Variants in LYZL6 observed in about 807,000 individuals in gnomAD.
LYZL6 encodes the protein lysozyme-like protein 6.
A neutral mutation model predicts 15.0 loss-of-function variants in LYZL6; 21 were observed. That is an observed-to-expected ratio of 1.40 (90% CI 1.00 to 2.02). LYZL6 has a LOEUF of 2.02. Ranked by LOEUF, LYZL6 falls within the 30% of genes most tolerant of loss-of-function variation. LYZL6 has a pLI of 0.00. For synonymous variants in LYZL6, 72 were observed against 67.8 expected (o/e 1.06, Z -0.31); for missense variants, 173 against 180.5 (o/e 0.96, Z 0.24).
rs148658809 is a variant in LYZL6, at chr17:35,936,778, G to A, written c.354C>T (p.Ser118=). The A allele has an allele frequency of 1.2e-6, 2 of 1,613,740 alleles. No homozygotes were observed. Among genetic ancestry groups the A allele is most frequent in the Admixed American group, 3.3e-5 (2 of 60,014 alleles). The change falls in exon 4 of 5, where the codon TCC becomes TCT. Residue 118 remains serine, a synonymous_variant. Transcript: ENST00000615905. ...AGIHCAKRIV[S]GARGMNNWVE... ...ACCAGTTGTTCATCCCCCGTGCTCC[G>A]GACACAATCCTTTTTGCGCAGTGGA...
In LYZL6 at chr17:35,939,214, T is replaced by C. The variant is rs1164475492; in HGVS notation, c.139+4A>G. On this transcript the variant is annotated splice_donor_region_variant and intron_variant, in intron 2 of 4. Coordinates refer to ENST00000615905, the MANE Select transcript of LYZL6 (RefSeq NM_020426.4). Reference sequence around the variant, plus strand: ...ATGGCTGGGGAGGGGCGGATGGTACTCACAGTCACTCAGGGAGTAACCCTC... The same window carrying C: ...ATGGCTGGGGAGGGGCGGATGGTACCCACAGTCACTCAGGGAGTAACCCTC... The C allele has an allele frequency of 5.0e-6, 8 of 1,613,220 alleles. No homozygotes were observed. Among genetic ancestry groups the C allele is most frequent in the Non-Finnish European group, 5.9e-6 (7 of 1,179,374 alleles).
Position 35,934,618 on chromosome 17 carries a change from G to T in LYZL6, c.*178C>A, listed in dbSNP as rs945727385. On this transcript the variant is annotated 3_prime_UTR_variant, in exon 5 of 5. Transcript: ENST00000615905. The stretch of plus-strand genomic sequence containing the variant: ...GACAGGAACCAGGGGACTGGGTCCA[G>T]ATGGGAGTAAGGAGGAAGCCAAGAA... 1 of 586,358 alleles carries T rather than the reference G, an allele frequency of 1.7e-6. No homozygotes were observed. Among genetic ancestry groups the T allele is most frequent in the African/African-American group, 1.9e-5 (1 of 53,668 alleles). The allele number at this position is 586,358 out of a possible 1,614,324, so 36.3% of individuals were successfully genotyped here.
At chr17:35,937,084 TAGA>T (rs2089380962) in intron 3 of LYZL6, among the ~76,000 whole-genome samples, 1 of 152,084 alleles carries the variant, frequency 6.6e-6, no homozygotes, top group African/African-American at 2.4e-5. Context: ...CTAACCAGGG[TAGA>T]TAGTGGTTCA....
chr17:35,936,914 A>T (rs902296264), intron 3 of LYZL6, 81 bp from the exon 4 acceptor site: 1 of 1,245,134 alleles, frequency 8.0e-7, no homozygotes, highest in African/African-American at 1.5e-5. Flanking sequence ...CTCCCTGGAC[A>T]GCCCTATGCC....
In LYZL6 at chr17:35,939,383, G is replaced by A; in HGVS notation, c.-27C>T. On this transcript the variant is annotated 5_prime_UTR_variant, in exon 2 of 5. Coordinates refer to ENST00000615905, the MANE Select transcript of LYZL6 (RefSeq NM_020426.4). ...CTTGGAGGGGAGGAGGTGCAGCTGA[G>A]GGCTGATGGTTCTTAGGGTCTTGCA... is the stretch of plus-strand genomic sequence containing the variant. 6.2e-7 allele frequency: 1 copy of A among 1,611,644 alleles called. No homozygotes were observed. The highest frequency in any genetic ancestry group is 1.1e-5 in the South Asian group (1 of 90,874).
Position 35,934,858 on chromosome 17 carries a change from A to G in LYZL6, c.385T>C (p.Trp129Arg). The G allele has an allele frequency of 6.2e-7, 1 of 1,614,126 alleles. No homozygotes were observed. ...GARGMNNWVEWRLHCSGRPLF... is the reference protein window; with the variant it reads ...GARGMNNWVERRLHCSGRPLF... ...GGCCGGCCTGAACAGTGCAACCTCC[A>G]TTCTACCCTGCGGAGAAAAAAGACA... is the stretch of plus-strand genomic sequence containing the variant. Residue 129 changes from tryptophan (W) to arginine (R), a missense_variant, in exon 5 of 5, where the codon TGG becomes CGG. Coordinates refer to ENST00000615905, the MANE Select transcript of LYZL6 (RefSeq NM_020426.4).
At chr17:35,937,040 G>A (rs2089380379) in intron 3 of LYZL6, among the ~76,000 whole-genome samples, 1 of 152,236 alleles carries the variant, frequency 6.6e-6, no homozygotes, top group African/African-American at 2.4e-5. Flanking sequence ...GGGGCAAGAG[G>A]CCTGAGATTT....
intron 4 of LYZL6, 77 bp downstream of exon 4, chr17:35,936,678 C>G: frequency 7.6e-7 from 1 of 1,309,244 alleles, no homozygotes; most frequent in Non-Finnish European, 1.1e-6. Context: ...CCCGTGAGTC[C>G]TTGCCTACTG....
chr17:35,938,694 C>A (rs80040346), intron 2 of LYZL6, among the ~76,000 whole-genome samples: 1 of 149,864 alleles, frequency 6.7e-6, no homozygotes, highest in African/African-American at 2.4e-5. Context: ...CAGGTGCACA[C>A]AACTCCTGGG....
rs760644506 is a variant in LYZL6 at position 35,939,385 on chromosome 17, G to A, written c.-29C>T. On this transcript the variant is annotated 5_prime_UTR_variant, in exon 2 of 5. Coordinates refer to ENST00000615905, the MANE Select transcript of LYZL6 (RefSeq NM_020426.4). ...TGGAGGGGAGGAGGTGCAGCTGAGG[G>A]CTGATGGTTCTTAGGGTCTTGCAGA... The A allele has an allele frequency of 9.2e-5, 149 of 1,611,192 alleles. No homozygotes were observed. Among genetic ancestry groups the A allele is most frequent in the Non-Finnish European group, 1.7e-6 (2 of 1,178,012 alleles).
intron 3 of LYZL6, among the ~76,000 whole-genome samples, chr17:35,937,301 C>G (rs900384631): frequency 2.0e-5 from 3 of 152,106 alleles, no homozygotes; most frequent in African/African-American, 7.2e-5. Flanking sequence ...GGTCTTTGGT[C>G]AGATCATTAG....
At position 35,937,740 on chromosome 17, in the gene LYZL6, C is replaced by T. The variant is rs2089386961; in HGVS notation, c.298+18G>A. ...GGTTGCTGCTCTCATCTCTCCCACCCTGGGGCCCTGGCCAGACCTTGACAG... is the reference window on the plus strand; with the variant it reads ...GGTTGCTGCTCTCATCTCTCCCACCTTGGGGCCCTGGCCAGACCTTGACAG... On this transcript the variant is annotated intron_variant, in intron 3 of 4. Transcript: ENST00000615905. 1 of 1,611,304 alleles carries T rather than the reference C, an allele frequency of 6.2e-7. No homozygotes were observed. The highest frequency in any genetic ancestry group is 8.5e-7 in the Non-Finnish European group (1 of 1,178,010).
In LYZL6 at chr17:35,937,787, G is replaced by C; in HGVS notation, c.269C>G (p.Ser90Trp). 1 of 1,614,150 alleles carries C rather than the reference G, an allele frequency of 6.2e-7. No homozygotes were observed. Among genetic ancestry groups the C allele is most frequent in the Non-Finnish European group, 8.5e-7 (1 of 1,180,014 alleles). ...ACAGTCTACGTGGCAAAGGTTTTCC[G>C]AGTAACTCTTATAATCGTTGCACCA... is the stretch of plus-strand genomic sequence containing the variant. ...HYWCNDYKSY[S>W]ENLCHVDCQD... The change falls in exon 3 of 5, where the codon TCG (serine) becomes TGG (tryptophan). Residue 90 changes from serine (S) to tryptophan (W), a missense_variant. Coordinates refer to ENST00000615905, the MANE Select transcript of LYZL6 (RefSeq NM_020426.4).
At chr17:35,941,541 A>G (rs1305133588) in intron 1 of LYZL6, among the ~76,000 whole-genome samples, 1 of 152,108 alleles carries the variant, frequency 6.6e-6, no homozygotes, top group Non-Finnish European at 1.5e-5. Flanking sequence ...TTTTGGTGTC[A>G]TATCTAAGAA....
intron 3 of LYZL6, 47 bp from the exon 4 acceptor site, chr17:35,936,880 CA>C: frequency 6.5e-7 from 1 of 1,546,902 alleles, no homozygotes; most frequent in Admixed American, 1.7e-5. Context: ...AAGACAGCCC[CA>C]AAGATGGAGG....
Position 35,937,785 on chromosome 17 carries a change from C to A in LYZL6, c.271G>T (p.Glu91Ter). ...YWCNDYKSYSENLCHVDCQDL... is the reference protein window; with the variant it reads ...YWCNDYKSYS ...TGACAGTCTACGTGGCAAAGGTTTT[C>A]CGAGTAACTCTTATAATCGTTGCAC... The change falls in exon 3 of 5, where the codon GAA (glutamate) becomes TAA (stop). Residue 91 changes from glutamate (E) to a stop codon, truncating the protein, a stop_gained. Coordinates refer to ENST00000615905, the MANE Select transcript of LYZL6 (RefSeq NM_020426.4). LOFTEE classifies it high-confidence loss of function. 6.2e-7 allele frequency: 1 copy of A among 1,614,178 alleles called. No individual in the cohort carries two copies.
chr17:35,937,885 G>C lies in LYZL6; in HGVS notation c.171C>G (p.Phe57Leu). Residue 57 changes from phenylalanine to leucine, a missense_variant, in exon 3 of 5, where the codon TTC becomes TTG. Phe to Leu is a conservative substitution (Grantham distance 22). Coordinates refer to ENST00000615905, the MANE Select transcript of LYZL6 (RefSeq NM_020426.4). The stretch of plus-strand genomic sequence containing the variant: ...CATTTTCATTTATCTTTGATATGTT[G>C]AACTTGCTTTCCACAAAAGCCAGGC... ...WLCLAFVESK[F>L]NISKINENAD... 6.2e-7 allele frequency: 1 copy of C among 1,614,042 alleles called. No individual in the cohort carries two copies. Among genetic ancestry groups the C allele is most frequent in the East Asian group, 2.2e-5 (1 of 44,878 alleles).
chr17:35,942,164 A>T (rs918776441), intron 1 of LYZL6, among the ~76,000 whole-genome samples: 3 of 152,252 alleles, frequency 2.0e-5, no homozygotes, highest in African/African-American at 7.2e-5. Context: ...GGCCAATGCC[A>T]TGAAAACTGA....
Position 35,934,710 on chromosome 17 carries a change from G to A in LYZL6, c.*86C>T. 8.1e-7 allele frequency: 1 copy of A among 1,238,182 alleles called. No individual in the cohort carries two copies. The highest frequency in any genetic ancestry group is 1.2e-6 in the Non-Finnish European group (1 of 849,748). The allele number at this position is 1,238,182 out of a possible 1,614,324, so 76.7% of individuals were successfully genotyped here. On this transcript the variant is annotated 3_prime_UTR_variant, in exon 5 of 5. Coordinates refer to ENST00000615905, the MANE Select transcript of LYZL6 (RefSeq NM_020426.4). The stretch of plus-strand genomic sequence containing the variant: ...TGGGAAGGGAAGAAAATAACATGAA[G>A]TGGAGGCAGTAGGAAGAAGAAATGA...
Sources: allele counts gnomAD v4.1 joint callset (sites outside exome capture counted in the v4.1 genomes callset), GRCh38; gene constraint gnomAD v4.1.1; transcripts MANE v1.5; gene names NCBI Gene and HGNC (gene_info 2026-07-23, HGNC 2026-07-21).